Variants in PLCG1 observed in about 807,000 individuals in gnomAD.
The protein encoded by PLCG1 is phospholipase C gamma 1.
In PLCG1, 71 loss-of-function variants were observed where a neutral mutation model predicts 177.8. The observed-to-expected ratio is 0.40, with a 90% CI of 0.33 to 0.49. PLCG1 has a LOEUF of 0.49. PLCG1 is among the 20% of genes least tolerant of loss of function. The probability of loss-of-function intolerance (pLI) is 0.72; values close to 1 mark genes in which losing one functional copy is unlikely to be tolerated. For synonymous variants in PLCG1, 658 were observed against 647.9 expected (o/e 1.02, Z -0.24); for missense variants, 1,281 against 1,709.0 (o/e 0.75, Z 4.42).
chr20:41,150,627 C>G lies in PLCG1; in HGVS notation c.218-8979C>G, dbSNP rs1337985847. ...AGAAAAGTTGGGGAAAGCCACCTTT[C>G]CCTACTGTGGCAGTCAAGGCTTGGT... On this transcript the variant is annotated intron_variant, in intron 1 of 31. Coordinates refer to ENST00000685551, the MANE Select transcript of PLCG1 (RefSeq NM_002660.3). This position sits in a 1 kb window ranked among gnomAD's most constrained non-coding sequence, Gnocchi z 4.0. Among the ~76,000 whole-genome samples, 1 of 152,158 alleles carries G rather than the reference C, an allele frequency of 6.6e-6. No homozygotes were observed. The highest frequency in any genetic ancestry group is 1.5e-5 in the Non-Finnish European group (1 of 68,032).
At chr20:41,154,520 T>C (rs1362590970) in intron 1 of PLCG1, among the ~76,000 whole-genome samples, 4 of 152,164 alleles carry the variant, frequency 2.6e-5, no homozygotes, top group African/African-American at 9.7e-5. Flanking sequence ...ATACTGCCCT[T>C]ATGCACATCC....
rs760762719 is a variant in PLCG1, at chr20:41,166,552, G to A, written c.2077G>A (p.Val693Met). Reference protein sequence around the residue: ...MRVPRDGAFLVRKRNEPNSYA... With the variant: ...MRVPRDGAFLMRKRNEPNSYA... Reference sequence around the variant, plus strand: ...CGTCCCTCGTGATGGGGCCTTCCTGGTGCGGAAGCGGAATGAACCCAACTC... The same window carrying A: ...CGTCCCTCGTGATGGGGCCTTCCTGATGCGGAAGCGGAATGAACCCAACTC... The change falls in exon 18 of 32, where the codon GTG becomes ATG. Residue 693 changes from valine to methionine, a missense_variant. Val to Met is a conservative substitution (Grantham distance 21). This residue lies in a region of PLCG1 where 723 missense variants were observed against 1,030.0 expected (regional missense o/e 0.70). Coordinates refer to ENST00000685551, the MANE Select transcript of PLCG1 (RefSeq NM_002660.3). The surrounding 1 kb of genome is among the most constrained non-coding windows in gnomAD (Gnocchi z 8.6). The A allele has an allele frequency of 1.2e-6, 2 of 1,614,204 alleles. No homozygotes were observed. Among genetic ancestry groups the A allele is most frequent in the African/African-American group, 1.3e-5 (1 of 75,048 alleles).
rs756266444 is a variant in PLCG1 at position 41,163,780 on chromosome 20, G to A, written c.957G>A (p.Pro319=). Residue 319 remains proline (P), a synonymous_variant, in exon 10 of 32, where the codon CCG becomes CCA. Transcript: ENST00000685551. This position sits in a 1 kb window ranked among gnomAD's most constrained non-coding sequence, Gnocchi z 5.2. ...ACTCGCAGCTGGATGCAGTATGCCC[G>A]GACACCATGAACAACCCTCTTTCCC... ...VWNSQLDAVC[P]DTMNNPLSHY... is the part of the protein sequence containing the mutation. The A allele has an allele frequency of 2.5e-5, 41 of 1,612,910 alleles. No individual in the cohort carries two copies. The highest frequency in any genetic ancestry group is 8.9e-5 in the East Asian group (4 of 44,792).
At position 41,160,002 on chromosome 20, in the gene PLCG1, TA is replaced by T. The variant is rs2035444547; in HGVS notation, c.464+40del. ...CTGAAGGGGTTAGGGCTGGGAGCAT[TA>T]GGGACCAGGGGGACAGGGACAGCAG... On this transcript the variant is annotated intron_variant, in intron 3 of 31. Coordinates refer to ENST00000685551, the MANE Select transcript of PLCG1 (RefSeq NM_002660.3). This position sits in a 1 kb window ranked among gnomAD's most constrained non-coding sequence, Gnocchi z 5.5. 5 of 1,602,366 alleles carry T rather than the reference TA, an allele frequency of 3.1e-6. No homozygotes were observed. Among genetic ancestry groups the T allele is most frequent in the Non-Finnish European group, 3.4e-6 (4 of 1,169,382 alleles).
Position 41,166,538 on chromosome 20 carries a change from ATGGGGCCTTCC to A in PLCG1, c.2067_2077del (p.Phe691GlufsTer4). On this transcript the variant is annotated frameshift_variant, in exon 18 of 32. Coordinates refer to ENST00000685551, the MANE Select transcript of PLCG1 (RefSeq NM_002660.3). LOFTEE classifies it high-confidence loss of function. The surrounding 1 kb of genome is among the most constrained non-coding windows in gnomAD (Gnocchi z 8.6). ...CACATGCTAATGCGCGTCCCTCGTG[ATGGGGCCTTCC>A]TGGTGCGGAAGCGGAATGAACCCAA... The A allele has an allele frequency of 6.2e-7, 1 of 1,614,152 alleles. No individual in the cohort carries two copies.
In PLCG1 at chr20:41,167,842, C is replaced by G. The variant is rs1568752050; in HGVS notation, c.2302-10C>G. ...GGGCATTAACATATCCCATTGTGTC[C>G]TGTTTCCAGGAGCCTGACTACGGGG... is the stretch of plus-strand genomic sequence containing the variant. On this transcript the variant is annotated splice_polypyrimidine_tract_variant and intron_variant, in intron 19 of 31. Transcript: ENST00000685551. This position sits in a 1 kb window ranked among gnomAD's most constrained non-coding sequence, Gnocchi z 4.4. 1 of 1,605,750 alleles carries G rather than the reference C, an allele frequency of 6.2e-7. No individual in the cohort carries two copies. The highest frequency in any genetic ancestry group is 2.2e-5 in the East Asian group (1 of 44,830).
chr20:41,169,404 C>T, intron 22 of PLCG1, 53 bp from the exon 23 acceptor site: 2 of 1,363,290 alleles, frequency 1.5e-6, no homozygotes, highest in Non-Finnish European at 2.1e-6. Context: ...GATATCCCCT[C>T]ACACACATAT....
chr20:41,146,495 C>T lies in PLCG1; in HGVS notation c.217+8637C>T, dbSNP rs763764155. On this transcript the variant is annotated intron_variant, in intron 1 of 31. Transcript: ENST00000685551. The surrounding 1 kb of genome is among the most constrained non-coding windows in gnomAD (Gnocchi z 6.3). ...GGCGCAAGGCAGCAAGGCTTGGGTA[C>T]GGAGGAGAGTGGGTGGTCTTACTGA... Among the ~76,000 whole-genome samples, 4 of 152,298 alleles carry T rather than the reference C, an allele frequency of 2.6e-5. No homozygotes were observed. The highest frequency in any genetic ancestry group is 2.1e-4 in the South Asian group (1 of 4,824).
chr20:41,142,234 G>A (rs1312275819), intron 1 of PLCG1, among the ~76,000 whole-genome samples: 2 of 152,368 alleles, frequency 1.3e-5, no homozygotes, highest in Middle Eastern at 3.4e-3. Context: ...TGAGGCACCT[G>A]TCTGTGCCGA....
At position 41,163,874 on chromosome 20, in the gene PLCG1, G is replaced by A. The variant is rs370812968; in HGVS notation, c.1010+41G>A. ...TCAGGCCCACCCAGCTTCTTCCCCA[G>A]GAGGGCCCATCTGACCATACCTACC... On this transcript the variant is annotated intron_variant, in intron 10 of 31. Coordinates refer to ENST00000685551, the MANE Select transcript of PLCG1 (RefSeq NM_002660.3). The surrounding 1 kb of genome is among the most constrained non-coding windows in gnomAD (Gnocchi z 5.2). 1 of 1,610,766 alleles carries A rather than the reference G, an allele frequency of 6.2e-7. No homozygotes were observed. The highest frequency in any genetic ancestry group is 8.5e-7 in the Non-Finnish European group (1 of 1,177,150).
In PLCG1 at chr20:41,166,097, G is replaced by A. The variant is rs1461756323; in HGVS notation, c.1800-97G>A. 2.7e-6 allele frequency: 3 copies of A among 1,112,174 alleles called. No individual in the cohort carries two copies. Among genetic ancestry groups the A allele is most frequent in the African/African-American group, 1.5e-5 (1 of 64,798 alleles). The allele number at this position is 1,112,174 out of a possible 1,614,324, so 68.9% of individuals were successfully genotyped here. Reference sequence around the variant, plus strand: ...CAGGAGATTGGCCTCCCTCCTTGAGGCTCCCTCCTTGAGTTCCACCCTCAT... The same window carrying A: ...CAGGAGATTGGCCTCCCTCCTTGAGACTCCCTCCTTGAGTTCCACCCTCAT... On this transcript the variant is annotated intron_variant, in intron 16 of 31. Transcript: ENST00000685551. The surrounding 1 kb of genome is among the most constrained non-coding windows in gnomAD (Gnocchi z 8.6).
chr20:41,175,308 A>AG lies in PLCG1; in HGVS notation c.*802dup, dbSNP rs2036031167. 1 of 142,556 alleles carries AG rather than the reference A, an allele frequency of 7.0e-6. No individual in the cohort carries two copies. The highest frequency in any genetic ancestry group is 6.9e-5 in the Admixed American group (1 of 14,516). 8.8% of individuals were successfully genotyped at this position (142,556 alleles called of 1,614,324 possible). A position where few individuals can be genotyped will look rare whatever the true frequency, so the allele number is the denominator to read the frequency against. ...CACTGTCAGGAATGGGGGGCGGGCC[A>AG]GGGTGGGAAGAGAAGAAATAGCAGA... On this transcript the variant is annotated 3_prime_UTR_variant, in exon 32 of 32. Transcript: ENST00000685551.
chr20:41,144,285 C>T lies in PLCG1; in HGVS notation c.217+6427C>T, dbSNP rs2034927633. Among the ~76,000 whole-genome samples, 1 of 152,190 alleles carries T rather than the reference C, an allele frequency of 6.6e-6. No homozygotes were observed. Among genetic ancestry groups the T allele is most frequent in the South Asian group, 2.1e-4 (1 of 4,828 alleles). Reference sequence around the variant, plus strand: ...CCTGCTATAGTATTCAGTTTATTCTCCCATTCTGGGGAAAATGATAATAGG... The same window carrying T: ...CCTGCTATAGTATTCAGTTTATTCTTCCATTCTGGGGAAAATGATAATAGG... On this transcript the variant is annotated intron_variant, in intron 1 of 31. Transcript: ENST00000685551. This position sits in a 1 kb window ranked among gnomAD's most constrained non-coding sequence, Gnocchi z 4.1.
In PLCG1 at chr20:41,165,277, G is replaced by A. The variant is rs552224399; in HGVS notation, c.1419G>A (p.Glu473=). The change falls in exon 14 of 32, where the codon GAG becomes GAA. Residue 473 remains glutamate (E), a synonymous_variant. Coordinates refer to ENST00000685551, the MANE Select transcript of PLCG1 (RefSeq NM_002660.3). This position sits in a 1 kb window ranked among gnomAD's most constrained non-coding sequence, Gnocchi z 6.6. The part of the protein sequence containing the change: ...HKKLAEGSAY[E]EVPTSMMYSE... ...AGCTGGCTGAGGGCAGTGCCTACGA[G>A]GAGGTGCCTACATCCATGATGTACT... 4.4e-5 allele frequency: 71 copies of A among 1,614,146 alleles called. No individual in the cohort carries two copies. The South Asian group carries it at 7.6e-4, about 17-fold the overall frequency.
chr20:41,137,763 A>G lies in PLCG1; in HGVS notation c.122A>G (p.Lys41Arg). 1.1e-5 allele frequency: 14 copies of G among 1,292,618 alleles called. No individual in the cohort carries two copies. The highest frequency in any genetic ancestry group is 1.4e-5 in the Non-Finnish European group (14 of 1,012,990). The allele number at this position is 1,292,618 out of a possible 1,614,324, so 80.1% of individuals were successfully genotyped here. A position where few individuals can be genotyped will look rare whatever the true frequency, so the allele number is the denominator to read the frequency against. ...VGTVMTLFYS[K>R]KSQRPERKTF... ...ACCGTCATGACTTTGTTCTACTCCA[A>G]GAAGTCGCAGCGACCCGAGCGGAAG... Residue 41 changes from lysine (K) to arginine (R), a missense_variant, in exon 1 of 32, where the codon AAG becomes AGG. Physicochemically the swap from Lys to Arg is conservative, Grantham distance 26. Around this residue, in one of 4 missense-constraint regions of PLCG1, gnomAD observed 374 missense variants for 443.8 expected, o/e 0.84. Coordinates refer to ENST00000685551, the MANE Select transcript of PLCG1 (RefSeq NM_002660.3). The surrounding 1 kb of genome is among the most constrained non-coding windows in gnomAD (Gnocchi z 7.3).
chr20:41,143,105 C>A (rs1020319252), intron 1 of PLCG1, among the ~76,000 whole-genome samples: 7 of 152,208 alleles, frequency 4.6e-5, no homozygotes, highest in Admixed American at 1.3e-4. Context: ...TGGGTGGTAA[C>A]CCCTTCTGTA....
rs1187764251 is a variant in PLCG1 at position 41,157,201 on chromosome 20, A to G, written c.218-2405A>G. On this transcript the variant is annotated intron_variant, in intron 1 of 31. Transcript: ENST00000685551. The surrounding 1 kb of genome is among the most constrained non-coding windows in gnomAD (Gnocchi z 5.4). ...TATGTGCAGGAGTGCAGGCCTGTTG[A>G]CTCTGTGTGTGTGTGTGTGTGTGTG... Among the ~76,000 whole-genome samples, 1 of 55,170 alleles carries G rather than the reference A, an allele frequency of 1.8e-5. No homozygotes were observed. Among genetic ancestry groups the G allele is most frequent in the African/African-American group, 1.1e-4 (1 of 9,512 alleles). 36.2% of individuals were successfully genotyped at this position (55,170 alleles called of 152,430 possible).
chr20:41,161,484 A>C (rs1321764430), intron 4 of PLCG1, among the ~76,000 whole-genome samples: 2 of 152,146 alleles, frequency 1.3e-5, no homozygotes, highest in Non-Finnish European at 2.9e-5. Context: ...CACAGAGGGC[A>C]AGATCGGTGA....
chr20:41,143,071 G>A (rs1380364433), intron 1 of PLCG1, among the ~76,000 whole-genome samples: 1 of 152,218 alleles, frequency 6.6e-6, no homozygotes, highest in African/African-American at 2.4e-5. Context: ...GGGAGACAGG[G>A]CAGTTGGCTG....
Sources: gnomAD v4.1 joint callset for allele counts (sites outside exome capture counted in the v4.1 genomes callset) on GRCh38, gnomAD v4.1.1 for gene constraint, gnomAD v4.1.1 regional missense constraint, Gnocchi (gnomAD v3.1) non-coding constraint, MANE v1.5 for transcripts, NCBI Gene and HGNC (gene_info 2026-07-23, HGNC 2026-07-21) for gene names.